Variants in VPS13C observed in about 807,000 individuals in gnomAD.
VPS13C encodes vacuolar protein sorting 13 homolog C.
Under a neutral mutation model 456.8 loss-of-function variants are expected in VPS13C, and 358 were observed. The ratio of observed to expected loss-of-function variants is 0.78; its 90% confidence interval spans 0.72 to 0.86. The LOEUF is 0.86. Among genes scored for constraint, VPS13C ranks in the 40% least tolerant of loss-of-function variants. The pLI is 0.00. For missense variants in VPS13C, 4,818 were observed against 4,385.4 expected, an observed-to-expected ratio of 1.10 and a Z score of -2.79; for synonymous variants, 1,578 against 1,486.7, an observed-to-expected ratio of 1.06 and a Z score of -1.41.
intron 51 of VPS13C, 35 bp downstream of exon 51, chr15:61,929,466 C>T (rs1158654851): frequency 1.3e-6 from 2 of 1,570,282 alleles, no homozygotes; most frequent in East Asian, 2.3e-5. Context: ...TCAAAATATA[C>T]AAGTTGTCAT....
In VPS13C at chr15:61,927,250, G is replaced by A. The variant is rs138853397; in HGVS notation, c.6357C>T (p.Ser2119=). ...GAGCAGGAGCATCAGCCTTTGTCAG[G>A]CTGGCAACAAATACCACTTCTGGAT... is the stretch of plus-strand genomic sequence containing the variant. ...ITDPEVVFVA[S]LTKADAPALT... Residue 2119 remains serine, a synonymous_variant, in exon 52 of 85, where the codon AGC becomes AGT. Coordinates refer to ENST00000644861, the MANE Select transcript of VPS13C (RefSeq NM_020821.3). 17 of 1,614,070 alleles carry A rather than the reference G, an allele frequency of 1.1e-5. No homozygotes were observed. Among genetic ancestry groups the A allele is most frequent in the Non-Finnish European group, 1.4e-5 (16 of 1,180,036 alleles).
chr15:61,963,361 T>C (rs1365431489), intron 32 of VPS13C, among the ~76,000 whole-genome samples: 2 of 152,092 alleles, frequency 1.3e-5, no homozygotes, highest in African/African-American at 2.4e-5. Flanking sequence ...TGGCAGCTTT[T>C]ACCTAAAAGA....
rs1035145518 is a variant in VPS13C, at chr15:61,942,077, G to A, written c.5149-10C>T. ...AATTGTTGAGGAAGTTCTGTTGGAA[G>A]AGACAGATATTTAGGGGAAAAAAGG... On this transcript the variant is annotated splice_polypyrimidine_tract_variant and intron_variant, in intron 45 of 84. Coordinates refer to ENST00000644861, the MANE Select transcript of VPS13C (RefSeq NM_020821.3). 2 of 1,550,770 alleles carry A rather than the reference G, an allele frequency of 1.3e-6. No individual in the cohort carries two copies. Among genetic ancestry groups the A allele is most frequent in the East Asian group, 2.3e-5 (1 of 44,188 alleles).
chr15:62,017,798 A>C (rs1165938398), intron 9 of VPS13C, among the ~76,000 whole-genome samples: 3 of 152,288 alleles, frequency 2.0e-5, no homozygotes, highest in Non-Finnish European at 4.4e-5. Context: ...CGAACTTTAA[A>C]GTAGTTTTTT....
At chr15:62,038,968 A>G (rs2048153273) in intron 3 of VPS13C, among the ~76,000 whole-genome samples, 1 of 152,170 alleles carries the variant, frequency 6.6e-6, no homozygotes. Flanking sequence ...TGGCATGGAT[A>G]CAGAGGAGAG....
intron 48 of VPS13C, among the ~76,000 whole-genome samples, chr15:61,935,077 C>A (rs2044181877): frequency 6.6e-6 from 1 of 151,992 alleles, no homozygotes; most frequent in Non-Finnish European, 1.5e-5. Context: ...CCTATATTAC[C>A]CAATCCATTT....
intron 1 of VPS13C, among the ~76,000 whole-genome samples, chr15:62,048,433 T>G (rs1381260857): frequency 6.6e-6 from 1 of 152,084 alleles, no homozygotes; most frequent in Admixed American, 6.5e-5. Flanking sequence ...GGACATGAAC[T>G]CATCCTTTTT....
In VPS13C at chr15:61,868,649, C is replaced by A. The variant is rs1462078549; in HGVS notation, c.10863+10G>T. The A allele has an allele frequency of 1.2e-6, 2 of 1,612,862 alleles. No individual in the cohort carries two copies. The highest frequency in any genetic ancestry group is 1.7e-6 in the Non-Finnish European group (2 of 1,179,082). On this transcript the variant is annotated intron_variant, in intron 81 of 84. Coordinates refer to ENST00000644861, the MANE Select transcript of VPS13C (RefSeq NM_020821.3). ...CCATTTCACTCGTGACCATGAAGAA[C>A]AAAATTTACCTCAAGTAAGTCAGAG...
At chr15:61,923,575 G>A (rs537747660) in intron 53 of VPS13C, among the ~76,000 whole-genome samples, 1 of 151,932 alleles carries the variant, frequency 6.6e-6, no homozygotes, top group Non-Finnish European at 1.5e-5. Flanking sequence ...GCTCTTTGTG[G>A]CCTAGTGCCT....
intron 78 of VPS13C, among the ~76,000 whole-genome samples, 200 bp downstream of exon 78, chr15:61,873,046 A>G (rs1450513430): frequency 6.6e-6 from 1 of 152,030 alleles, no homozygotes; most frequent in Non-Finnish European, 1.5e-5. Flanking sequence ...CAGTTTTATG[A>G]AATCTGACAA....
In VPS13C at chr15:61,867,547, A is replaced by G; in HGVS notation, c.10863+1112T>C. 2.0e-6 allele frequency: 2 copies of G among 1,007,086 alleles called. No homozygotes were observed. The highest frequency in any genetic ancestry group is 2.4e-6 in the Non-Finnish European group (2 of 845,088). The allele number at this position is 1,007,086 out of a possible 1,614,324, so 62.4% of individuals were successfully genotyped here. A position where few individuals can be genotyped will look rare whatever the true frequency, so the allele number is the denominator to read the frequency against. On this transcript the variant is annotated intron_variant, in intron 81 of 84. Coordinates refer to ENST00000644861, the MANE Select transcript of VPS13C (RefSeq NM_020821.3). The surrounding 1 kb of genome is among the most constrained non-coding windows in gnomAD (Gnocchi z 5.0). Reference sequence around the variant, plus strand: ...CAAGACTCACAAACATAAACATATTAATTGGACATAATAATTGTCCTGTTT... The same window carrying G: ...CAAGACTCACAAACATAAACATATTGATTGGACATAATAATTGTCCTGTTT...
intron 67 of VPS13C, among the ~76,000 whole-genome samples, chr15:61,889,361 T>C (rs1896504322): frequency 6.6e-6 from 1 of 152,072 alleles, no homozygotes; most frequent in Admixed American, 6.5e-5. Flanking sequence ...TATGATACCA[T>C]TTATAACCAT....
In VPS13C at chr15:61,931,104, C is replaced by G. The variant is rs78071599; in HGVS notation, c.6024G>C (p.Glu2008Asp). Residue 2008 changes from glutamate (E) to aspartate (D), a missense_variant, in exon 50 of 85, where the codon GAG becomes GAC. Glu to Asp is a conservative substitution (Grantham distance 45, BLOSUM62 2). Around this residue, in one of 3 missense-constraint regions of VPS13C, gnomAD observed 4,552 missense variants for 4,130.6 expected, o/e 1.10. Coordinates refer to ENST00000644861, the MANE Select transcript of VPS13C (RefSeq NM_020821.3). The part of the protein sequence containing the change: ...CTLDDLREGI[E>D]RATSRMIDRK... ...AGCTGACAAACCTCGATGTTGCTCTCTCAATTCCTTCTCTGAGATCATCAA... is the reference window on the plus strand; with the variant it reads ...AGCTGACAAACCTCGATGTTGCTCTGTCAATTCCTTCTCTGAGATCATCAA... 0.018 allele frequency: 29,555 copies of G among 1,613,974 alleles called. 344 individuals are homozygous for G. Among genetic ancestry groups the G allele is most frequent in the Non-Finnish European group, 0.022 (25,788 of 1,179,950 alleles).
chr15:62,000,681 A>T (rs2046580880), intron 15 of VPS13C, 55 bp from the exon 16 acceptor site: 2 of 1,491,808 alleles, frequency 1.3e-6, no homozygotes, highest in Admixed American at 4.4e-5. Flanking sequence ...GATAAAAGAA[A>T]TTTTTCTTTC....
intron 43 of VPS13C, among the ~76,000 whole-genome samples, chr15:61,946,835 A>C (rs1252828189): frequency 1.3e-5 from 2 of 152,040 alleles, no homozygotes; most frequent in Non-Finnish European, 2.9e-5. Flanking sequence ...CCAATAACTA[A>C]AAATAAATGA....
chr15:61,994,355 T>C (rs1185939798), intron 16 of VPS13C, among the ~76,000 whole-genome samples: 1 of 152,194 alleles, frequency 6.6e-6, no homozygotes, highest in Non-Finnish European at 1.5e-5. Flanking sequence ...CCTCCGGTGA[T>C]TCATTCCTCT....
intron 5 of VPS13C, among the ~76,000 whole-genome samples, chr15:62,030,877 G>A (rs915415023): frequency 2.6e-5 from 4 of 152,018 alleles, no homozygotes; most frequent in African/African-American, 9.7e-5. Context: ...ATGAAACAAG[G>A]GACTGCCATT....
chr15:62,037,255 ATATATATTATAT>A (rs1220430414), intron 3 of VPS13C, among the ~76,000 whole-genome samples: 4 of 25,802 alleles, frequency 1.6e-4, no homozygotes, highest in South Asian at 7.3e-4. Flanking sequence ...TAATATATTT[ATATATATTATAT>A]TATATAATAT....
chr15:61,905,769 T>A (rs1399034606), intron 66 of VPS13C, among the ~76,000 whole-genome samples: 4 of 152,250 alleles, frequency 2.6e-5, no homozygotes, highest in African/African-American at 4.8e-5. Flanking sequence ...ATAGCTTTTT[T>A]AAAAAGATAT....
Sources: gnomAD v4.1 joint callset for allele counts (sites outside exome capture counted in the v4.1 genomes callset) on GRCh38, gnomAD v4.1.1 for gene constraint, gnomAD v4.1.1 regional missense constraint, Gnocchi (gnomAD v3.1) non-coding constraint, MANE v1.5 for transcripts, NCBI Gene and HGNC (gene_info 2026-07-23, HGNC 2026-07-21) for gene names.